CSMD1: variants seen among roughly 807,000 people sequenced by gnomAD.
CSMD1 encodes CUB and sushi domain-containing protein 1.
In CSMD1, 213 loss-of-function variants were observed where a neutral mutation model predicts 417.5. That is an observed-to-expected ratio of 0.51 (90% CI 0.46 to 0.57). CSMD1 has a LOEUF of 0.57. CSMD1 is among the 20% of genes least tolerant of loss of function. The probability of loss-of-function intolerance (pLI) is 0.00; values close to 1 mark genes in which losing one functional copy is unlikely to be tolerated. For synonymous variants in CSMD1, 2,862 were observed against 1,736.8 expected (o/e 1.65, Z -16.11); for missense variants, 6,923 against 4,529.7 (o/e 1.53, Z -15.17).
At chr8:3,952,934 A>C (rs563731718) in intron 5 of CSMD1, among the ~76,000 whole-genome samples, 2 of 152,316 alleles carry the variant, frequency 1.3e-5, no homozygotes, top group South Asian at 4.1e-4. Context: ...TGTCTTCATT[A>C]ATGAAAAAGA....
At chr8:3,174,774 G>C (rs1033726513) in intron 37 of CSMD1, among the ~76,000 whole-genome samples, 1 of 151,672 alleles carries the variant, frequency 6.6e-6, no homozygotes, top group Admixed American at 6.6e-5. Context: ...CTTTCTCTTT[G>C]GTTGGGCTGC....
rs564505946 is a variant in CSMD1, at chr8:4,151,785, CTTATT to C, written c.416-119691_416-119687del. Among the ~76,000 whole-genome samples the C allele has an allele frequency of 1.2e-4, 18 of 152,208 alleles. No individual in the cohort carries two copies. The South Asian group carries it at 2.9e-3, about 25-fold the overall frequency. ...TAGTGCCACATTTCTTCTGCAAATG[CTTATT>C]TTATATGAAAAATAATTGTTCGAAG... On this transcript the variant is annotated intron_variant, in intron 3 of 69. Transcript: ENST00000635120.
chr8:4,411,443 A>T (rs1016387743), intron 3 of CSMD1, among the ~76,000 whole-genome samples: 2 of 152,112 alleles, frequency 1.3e-5, no homozygotes, highest in African/African-American at 4.8e-5. Flanking sequence ...ACTTTTAATT[A>T]CTTGGTTCTA....
chr8:4,693,632 A>T (rs903045052), intron 1 of CSMD1, among the ~76,000 whole-genome samples: 6 of 152,164 alleles, frequency 3.9e-5, no homozygotes, highest in African/African-American at 1.4e-4. Flanking sequence ...CCATTTTTTC[A>T]AATGGGTGAT....
chr8:3,177,859 C>G (rs1821041380), intron 37 of CSMD1, among the ~76,000 whole-genome samples: 1 of 149,480 alleles, frequency 6.7e-6, no homozygotes, highest in Non-Finnish European at 1.5e-5. Context: ...TCACCGTTCA[C>G]ACAGTTGCAC....
intron 3 of CSMD1, among the ~76,000 whole-genome samples, chr8:4,129,813 C>G (rs919004091): frequency 6.6e-6 from 1 of 152,118 alleles, no homozygotes. Flanking sequence ...ACTTTATTTT[C>G]TAAGTTGTCT....
intron 1 of CSMD1, among the ~76,000 whole-genome samples, chr8:4,960,752 G>T (rs1386198847): frequency 6.6e-6 from 1 of 152,026 alleles, no homozygotes; most frequent in African/African-American, 2.4e-5. Flanking sequence ...TCCTTTATAA[G>T]GGTACACAAG....
intron 3 of CSMD1, among the ~76,000 whole-genome samples, chr8:4,176,658 C>G (rs1045871303): frequency 6.6e-6 from 1 of 151,522 alleles, no homozygotes; most frequent in Non-Finnish European, 1.5e-5. Context: ...AGTCAAGACC[C>G]ATCAGTGTGC....
At chr8:4,280,026 C>G (rs1425474587) in intron 3 of CSMD1, among the ~76,000 whole-genome samples, 2 of 152,242 alleles carry the variant, frequency 1.3e-5, no homozygotes, top group East Asian at 1.9e-4. Flanking sequence ...CCTTCCCAGC[C>G]TAGAACACAG....
intron 1 of CSMD1, among the ~76,000 whole-genome samples, chr8:4,766,668 C>A (rs1812486126): frequency 6.6e-6 from 1 of 152,180 alleles, no homozygotes; most frequent in Non-Finnish European, 1.5e-5. Context: ...CCATGGAGCC[C>A]ATGGTGGCTC....
rs953604359 is a variant in CSMD1 at position 3,586,218 on chromosome 8, C to T, written c.1140G>A (p.Val380=). Residue 380 remains valine, a synonymous_variant, in exon 9 of 70, where the codon GTG becomes GTA. Coordinates refer to ENST00000635120, the MANE Select transcript of CSMD1 (RefSeq NM_033225.6). ...NVQFSCEDNY[V]LQGSKSITCQ... ...AGGTGATGCTTTTAGATCCCTGGAG[C>T]ACGTAATTGTCCTCACATGAAAACT... 6.2e-7 allele frequency: 1 copy of T among 1,610,990 alleles called. No individual in the cohort carries two copies. Among genetic ancestry groups the T allele is most frequent in the Non-Finnish European group, 8.5e-7 (1 of 1,179,212 alleles).
At chr8:4,115,998 T>G (rs1197742605) in intron 3 of CSMD1, among the ~76,000 whole-genome samples, 1 of 119,304 alleles carries the variant, frequency 8.4e-6, no homozygotes, top group African/African-American at 3.0e-5. Context: ...ATTTATTTAT[T>G]TATTTATTTA....
chr8:2,945,846 A>C (rs1024202023), intron 68 of CSMD1, among the ~76,000 whole-genome samples: 2 of 152,158 alleles, frequency 1.3e-5, no homozygotes, highest in African/African-American at 4.8e-5. Flanking sequence ...GGTAGTTATA[A>C]ATTTACATTT....
intron 48 of CSMD1, among the ~76,000 whole-genome samples, chr8:3,089,475 T>TTATATTGCTTTTATGCCTG (rs2129007299): frequency 6.6e-6 from 1 of 152,362 alleles, no homozygotes; most frequent in East Asian, 1.9e-4. Context: ...TGATGATTCA[T>TTATATTGCTTTTATGCCTG]TATATTGCTT....
intron 26 of CSMD1, among the ~76,000 whole-genome samples, chr8:3,264,977 A>G (rs1425174356): frequency 6.6e-6 from 1 of 152,204 alleles, no homozygotes; most frequent in Non-Finnish European, 1.5e-5. Context: ...GTATATTACC[A>G]GGGTCTGCAC....
chr8:3,207,432 T>A (rs1338792314), intron 30 of CSMD1, among the ~76,000 whole-genome samples: 1 of 151,968 alleles, frequency 6.6e-6, no homozygotes, highest in African/African-American at 2.4e-5. Flanking sequence ...CGTGAGCCAC[T>A]GAGTCCGGCC....
At chr8:4,991,256 C>A (rs1441233375) in intron 1 of CSMD1, among the ~76,000 whole-genome samples, 2 of 152,166 alleles carry the variant, frequency 1.3e-5, no homozygotes, top group Admixed American at 6.6e-5. Context: ...TCCCCTGGTC[C>A]CTGAAAATAG....
intron 10 of CSMD1, among the ~76,000 whole-genome samples, chr8:3,511,717 T>C (rs768101132): frequency 1.9e-4 from 28 of 148,598 alleles, no homozygotes; most frequent in Middle Eastern, 6.8e-3. Context: ...GAGATCACTA[T>C]TGCCCTCCAG....
At chr8:3,373,889 G>C (rs1305843531) in intron 18 of CSMD1, among the ~76,000 whole-genome samples, 2 of 151,768 alleles carry the variant, frequency 1.3e-5, no homozygotes, top group Non-Finnish European at 2.9e-5. Context: ...AATCATTGAA[G>C]AACAAAAGAG....
Sources: allele counts gnomAD v4.1 joint callset (sites outside exome capture counted in the v4.1 genomes callset), GRCh38; gene constraint gnomAD v4.1.1; transcripts MANE v1.5; gene names NCBI Gene and HGNC (gene_info 2026-07-23, HGNC 2026-07-21).